The following METTL22 variants were observed in gnomAD, a reference collection of about 807,000 sequenced individuals.
METTL22 encodes methyltransferase-like protein 22.
Under a neutral mutation model 48.4 loss-of-function variants are expected in METTL22, and 51 were observed. The observed-to-expected ratio is 1.05, with a 90% CI of 0.84 to 1.33. The LOEUF (loss-of-function observed/expected upper bound fraction) is 1.33, where lower values mean the gene tolerates loss of function less well. Among genes scored for constraint, METTL22 ranks in the 40% most tolerant of loss-of-function variants. The pLI, the probability that METTL22 is intolerant of heterozygous loss-of-function variation, is 0.00. For synonymous variants in METTL22, 255 were observed against 214.1 expected, an observed-to-expected ratio of 1.19 and a Z score of -1.67; for missense variants, 678 against 526.9, an observed-to-expected ratio of 1.29 and a Z score of -2.81.
At chr16:8,645,834 C>G (rs1026957616) in intron 10 of METTL22, 2 of 935,998 alleles carry the variant, frequency 2.1e-6, no homozygotes, top group Non-Finnish European at 1.4e-6. Flanking sequence ...CAACTCACTG[C>G]TATTCTGGTC....
intron 6 of METTL22, chr16:8,639,705 G>C (rs4985086): frequency 0.99 from 158,193 of 160,142 alleles, 78,171 homozygotes; most frequent in Middle Eastern, 1. Context: ...ATGGGCCTCC[G>C]CCTCCATCTG....
downstream of METTL22, among the ~76,000 whole-genome samples, chr16:8,649,814 TAAAAA>T (rs1202073721): frequency 4.2e-4 from 2 of 4,816 alleles, no homozygotes; most frequent in African/African-American, 4.6e-4. Context: ...CAAAAGAAAT[TAAAAA>T]AAAAAAACCA....
chr16:8,630,775 G>C (rs1006032333), intron 3 of METTL22, among the ~76,000 whole-genome samples: 3 of 152,194 alleles, frequency 2.0e-5, no homozygotes, highest in African/African-American at 7.2e-5. Flanking sequence ...CTGTATACCT[G>C]GAAGTTCACT....
At position 8,625,884 on chromosome 16, in the gene METTL22, G is replaced by C. The variant is rs532971463; in HGVS notation, c.133+86G>C. 17 of 1,531,332 alleles carry C rather than the reference G, an allele frequency of 1.1e-5. No homozygotes were observed. The African/African-American group carries it at 2.3e-4, about 21-fold the overall frequency. 94.9% of individuals were successfully genotyped at this position (1,531,332 alleles called of 1,614,324 possible). A position where few individuals can be genotyped will look rare whatever the true frequency, so the allele number is the denominator to read the frequency against. ...ATCTTTTTGGGGAAAATATTGGGAA[G>C]ACTGGATTACGTAACTGTTATCCTC... is the stretch of plus-strand genomic sequence containing the variant. On this transcript the variant is annotated intron_variant, in intron 2 of 10. Coordinates refer to ENST00000381920, the MANE Select transcript of METTL22 (RefSeq NM_024109.4).
At chr16:8,639,502 C>G in intron 6 of METTL22, 1 of 331,628 alleles carries the variant, frequency 3.0e-6, no homozygotes, top group Non-Finnish European at 5.7e-6. Flanking sequence ...AGATGCAAGC[C>G]AGTCCACTTC....
intron 10 of METTL22, chr16:8,645,820 AC>A: frequency 1.4e-6 from 1 of 707,002 alleles, no homozygotes; most frequent in Non-Finnish European, 1.9e-6. Flanking sequence ...ATGGAGAGAT[AC>A]GGCAACTCAC....
the METTL22 span, among the ~76,000 whole-genome samples, chr16:8,665,531 AT>A: frequency 6.6e-6 from 1 of 152,214 alleles, no homozygotes; most frequent in African/African-American, 2.4e-5. Context: ...CCCAAGATTC[AT>A]TTCACAAAGA....
chr16:8,660,666 G>C, the METTL22 span, among the ~76,000 whole-genome samples: 43 of 151,834 alleles, frequency 2.8e-4, no homozygotes, highest in Admixed American at 2.2e-3. Flanking sequence ...TTATAGCCTT[G>C]GCAGTGTTGG....
At chr16:8,622,669 C>T (rs2055894490) in intron 1 of METTL22, among the ~76,000 whole-genome samples, 1 of 152,094 alleles carries the variant, frequency 6.6e-6, no homozygotes, top group African/African-American at 2.4e-5. Context: ...ACTATTGTTG[C>T]TTATTGAACG....
rs2141705153 is a variant in METTL22 at position 8,629,044 on chromosome 16, G to C, written c.448G>C (p.Ala150Pro). The change falls in exon 3 of 11, where the codon GCA (alanine) becomes CCA (proline). Residue 150 changes from alanine (A) to proline (P), a missense_variant. Ala to Pro is a conservative substitution (Grantham distance 27). Coordinates refer to ENST00000381920, the MANE Select transcript of METTL22 (RefSeq NM_024109.4). ...LRDKVHPMIL[A>P]QEEDDVLGEE... ...AGACAAGGTACATCCCATGATTCTAGCACAGGAAGAAGACGACGTCCTGGG... is the reference window on the plus strand; with the variant it reads ...AGACAAGGTACATCCCATGATTCTACCACAGGAAGAAGACGACGTCCTGGG... 6.2e-7 allele frequency: 1 copy of C among 1,614,020 alleles called. No homozygotes were observed.
At chr16:8,640,526 G>A (rs1469683186) in intron 6 of METTL22, among the ~76,000 whole-genome samples, 1 of 2,952 alleles carries the variant, frequency 3.4e-4, no homozygotes, top group East Asian at 0.083. Context: ...AATGGATGAT[G>A]GATGAGGAGG....
the METTL22 span, among the ~76,000 whole-genome samples, chr16:8,657,053 TG>T: frequency 1.6e-4 from 24 of 152,176 alleles, no homozygotes; most frequent in Non-Finnish European, 2.9e-4. Flanking sequence ...TCCCACCTCT[TG>T]ATACTGTTAC....
chr16:8,650,754 G>A (rs2056882653), downstream of METTL22, among the ~76,000 whole-genome samples: 1 of 152,246 alleles, frequency 6.6e-6, no homozygotes, highest in Non-Finnish European at 1.5e-5. Flanking sequence ...AAAGCCAGAT[G>A]TGGCTCATGC....
At chr16:8,629,976 C>T (rs1396636306) in intron 3 of METTL22, among the ~76,000 whole-genome samples, 3 of 152,174 alleles carry the variant, frequency 2.0e-5, no homozygotes, top group East Asian at 3.9e-4. Flanking sequence ...GAGCGAGCTT[C>T]GAATCCACAC....
chr16:8,662,274 G>A, the METTL22 span, among the ~76,000 whole-genome samples: 1 of 145,342 alleles, frequency 6.9e-6, no homozygotes, highest in East Asian at 2.0e-4. Context: ...GTAACAAGAG[G>A]TGGGATCTAA....
rs760504932 is a variant in METTL22 at position 8,625,743 on chromosome 16, C to G, written c.78C>G (p.Leu26=). 1.9e-6 allele frequency: 3 copies of G among 1,614,098 alleles called. No individual in the cohort carries two copies. The highest frequency in any genetic ancestry group is 1.3e-5 in the African/African-American group (1 of 74,938). The change falls in exon 2 of 11, where the codon CTC becomes CTG. Residue 26 remains leucine, a synonymous_variant. Coordinates refer to ENST00000381920, the MANE Select transcript of METTL22 (RefSeq NM_024109.4). ...ACACTGTGCTGTCAGATGTCCACCTCTATACCCCGAACCATAGACATCTCA... is the reference window on the plus strand; with the variant it reads ...ACACTGTGCTGTCAGATGTCCACCTGTATACCCCGAACCATAGACATCTCA... ...RSDTVLSDVH[L]YTPNHRHLMV...
At chr16:8,637,527 ACT>A (rs1428805075) in intron 5 of METTL22, among the ~76,000 whole-genome samples, 8 of 152,318 alleles carry the variant, frequency 5.3e-5, no homozygotes, top group Non-Finnish European at 7.3e-5. Flanking sequence ...CTTCACAGTG[ACT>A]CTGGGCAGAG....
intron 7 of METTL22, chr16:8,641,562 C>A (rs1596361801): frequency 1.0e-5 from 5 of 487,644 alleles, no homozygotes; most frequent in South Asian, 7.7e-5. Flanking sequence ...GCCAGGAAAC[C>A]CCCCGGGTAG....
Position 8,649,271 on chromosome 16 carries a change from T to G in METTL22, c.*3128T>G, listed in dbSNP as rs1478270131. On this transcript the variant is annotated 3_prime_UTR_variant, in exon 11 of 11. Coordinates refer to ENST00000381920, the MANE Select transcript of METTL22 (RefSeq NM_024109.4). Reference sequence around the variant, plus strand: ...ATTCAAAGTATCGTCAGATTTTCATTTCCCAGAGTGGGAGCGCGCCCCCAT... The same window carrying G: ...ATTCAAAGTATCGTCAGATTTTCATGTCCCAGAGTGGGAGCGCGCCCCCAT... The G allele has an allele frequency of 6.6e-6, 1 of 152,216 alleles. No homozygotes were observed. Among genetic ancestry groups the G allele is most frequent in the Non-Finnish European group, 1.5e-5 (1 of 68,048 alleles). 9.4% of individuals were successfully genotyped at this position (152,216 alleles called of 1,614,324 possible).
Sources: gnomAD v4.1 joint callset for allele counts (sites outside exome capture counted in the v4.1 genomes callset) on GRCh38, gnomAD v4.1.1 for gene constraint, MANE v1.5 for transcripts, NCBI Gene and HGNC (gene_info 2026-07-23, HGNC 2026-07-21) for gene names.